Variants in UBE2L3 observed in about 807,000 individuals in gnomAD.
UBE2L3 encodes the protein ubiquitin conjugating enzyme E2 L3, also known as ubiquitin-conjugating enzyme E2 L3.
In UBE2L3, 1 loss-of-function variant was observed where a neutral mutation model predicts 17.8. The ratio of observed to expected loss-of-function variants is 0.06; its 90% CI spans 0.02 to 0.27. The LOEUF (loss-of-function observed/expected upper bound fraction) is 0.27. UBE2L3 is among the 10% of genes least tolerant of loss of function. UBE2L3 has a pLI of 1.00. For synonymous variants in UBE2L3, 44 were observed against 68.5 expected (o/e 0.64, Z 1.76); for missense variants, 40 against 192.6 (o/e 0.21, Z 4.69).
chr22:21,568,603 C>T (rs534928446), intron 1 of UBE2L3, among the ~76,000 whole-genome samples: 9 of 152,088 alleles, frequency 5.9e-5, no homozygotes, highest in South Asian at 4.1e-4. Context: ...CTAATTGGCA[C>T]CTTTTGGTGA....
At chr22:21,571,770 T>C (rs1024216945) in intron 1 of UBE2L3, among the ~76,000 whole-genome samples, 10 of 152,218 alleles carry the variant, frequency 6.6e-5, no homozygotes, top group Admixed American at 1.3e-4. Context: ...ATAGTCATAG[T>C]AGGAGGAACC....
intron 1 of UBE2L3, among the ~76,000 whole-genome samples, chr22:21,586,365 A>G (rs1927934230): frequency 6.6e-6 from 1 of 152,132 alleles, no homozygotes; most frequent in Non-Finnish European, 1.5e-5. Flanking sequence ...TCCCAGGTTC[A>G]AGCGATTCTC....
intron 2 of UBE2L3, among the ~76,000 whole-genome samples, chr22:21,602,059 G>A (rs1019753779): frequency 6.6e-6 from 1 of 152,044 alleles, no homozygotes; most frequent in Non-Finnish European, 1.5e-5. Flanking sequence ...GGACTGGACT[G>A]TGTAGGGATA....
upstream of UBE2L3, among the ~76,000 whole-genome samples, chr22:21,563,560 CA>C (rs111839709): frequency 0.082 from 9,574 of 116,382 alleles, 1,263 homozygotes; most frequent in African/African-American, 0.28. Flanking sequence ...GACTCCGTCT[CA>C]AAAAAAAAAA....
intron 3 of UBE2L3, among the ~76,000 whole-genome samples, chr22:21,612,652 T>C (rs1304909812): frequency 2.1e-4 from 23 of 109,304 alleles, no homozygotes; most frequent in African/African-American, 9.5e-4. Flanking sequence ...TCTTTTTTTT[T>C]TTTTTTTTTT....
chr22:21,617,534 T>C (rs1350482571), intron 3 of UBE2L3, among the ~76,000 whole-genome samples: 2 of 152,092 alleles, frequency 1.3e-5, no homozygotes, highest in East Asian at 3.9e-4. Flanking sequence ...CCCAAAGTGC[T>C]AGGGTTACAA....
At chr22:21,611,859 T>C (rs997574687) in intron 3 of UBE2L3, among the ~76,000 whole-genome samples, 1 of 152,148 alleles carries the variant, frequency 6.6e-6, no homozygotes, top group Admixed American at 6.5e-5. Flanking sequence ...TTAGAGTGGA[T>C]GAAGCTGGCA....
chr22:21,568,529 C>T (rs952595683), intron 1 of UBE2L3, among the ~76,000 whole-genome samples: 3 of 152,082 alleles, frequency 2.0e-5, no homozygotes, highest in African/African-American at 7.2e-5. Context: ...CGAATCAAAA[C>T]GGGCCAAAGT....
At chr22:21,562,762 C>T (rs1926490329), upstream of UBE2L3, among the ~76,000 whole-genome samples, 1 of 150,270 alleles carries the variant, frequency 6.7e-6, no homozygotes, top group South Asian at 2.1e-4. Context: ...GCCTCGGCCT[C>T]CCAAGGTGCT....
chr22:21,595,367 C>CTAA, intron 2 of UBE2L3, among the ~76,000 whole-genome samples: 1 of 152,258 alleles, frequency 6.6e-6, no homozygotes, highest in South Asian at 2.1e-4. Context: ...GTACCCCAAC[C>CTAA]TGGGCTTTAG....
Position 21,619,710 on chromosome 22 carries a change from G to C in UBE2L3, c.311-1805G>C, listed in dbSNP as rs187825811. On this transcript the variant is annotated intron_variant, in intron 3 of 3. Transcript: ENST00000342192. ...CATTTTGTTTTATTTATTTACTTTT[G>C]AGACAGAGTCTCGCTCTGTTGCCCA... is the stretch of plus-strand genomic sequence containing the variant. 1.8e-3 allele frequency among the ~76,000 whole-genome samples: 281 copies of C among 152,274 alleles called. 2 individuals are homozygous for C. Among genetic ancestry groups the C allele is most frequent in the African/African-American group, 5.5e-3 (227 of 41,564 alleles).
intron 1 of UBE2L3, among the ~76,000 whole-genome samples, chr22:21,576,549 C>T (rs1310617310): frequency 7.2e-5 from 11 of 151,998 alleles, no homozygotes; most frequent in African/African-American, 2.2e-4. Context: ...CCTCCTGCCT[C>T]GGTCTCCCAA....
chr22:21,614,397 C>A (rs1929657329), intron 3 of UBE2L3, among the ~76,000 whole-genome samples: 1 of 151,394 alleles, frequency 6.6e-6, no homozygotes, highest in Non-Finnish European at 1.5e-5. Context: ...TGAGACCAGC[C>A]TGAGGAACAT....
chr22:21,610,266 T>A (rs1182316324), intron 2 of UBE2L3, among the ~76,000 whole-genome samples: 1 of 152,200 alleles, frequency 6.6e-6, no homozygotes. Flanking sequence ...TGGTCCCAAC[T>A]CCTAATACCA....
chr22:21,557,722 C>T (rs1208985354), intron 1 of UBE2L3, among the ~76,000 whole-genome samples: 8 of 152,242 alleles, frequency 5.3e-5, no homozygotes, highest in South Asian at 2.1e-4. Flanking sequence ...GGGGTTTCAC[C>T]GTGCCAGCCA....
At chr22:21,578,247 C>T (rs1338034939) in intron 1 of UBE2L3, among the ~76,000 whole-genome samples, 2 of 151,782 alleles carry the variant, frequency 1.3e-5, no homozygotes, top group South Asian at 2.1e-4. Context: ...GTAGTCCCAG[C>T]TACTCGGGAG....
At chr22:21,577,493 C>A (rs1179633565) in intron 1 of UBE2L3, among the ~76,000 whole-genome samples, 1 of 152,330 alleles carries the variant, frequency 6.6e-6, no homozygotes, top group African/African-American at 2.4e-5. Context: ...TTGCTGCACA[C>A]ATACTCTAGA....
chr22:21,601,888 C>A (rs1269533682), intron 2 of UBE2L3, among the ~76,000 whole-genome samples: 3 of 149,696 alleles, frequency 2.0e-5, no homozygotes, highest in Non-Finnish European at 4.4e-5. Context: ...AGGAGAATGG[C>A]GTGAACCCGG....
chr22:21,588,616 AC>A (rs1286689160), intron 1 of UBE2L3, among the ~76,000 whole-genome samples: 1 of 150,990 alleles, frequency 6.6e-6, no homozygotes. Context: ...AGTAGCTGGG[AC>A]CACAGGCATG....
Sources: gnomAD v4.1 joint callset for allele counts (sites outside exome capture counted in the v4.1 genomes callset) on GRCh38, gnomAD v4.1.1 for gene constraint, MANE v1.5 for transcripts, NCBI Gene and HGNC (gene_info 2026-07-23, HGNC 2026-07-21) for gene names.